Variants in GPC3 observed in about 807,000 individuals in gnomAD.
The protein encoded by GPC3 is glypican-3.
GPC3 carries 3 observed loss-of-function variants against 34.4 expected under a neutral mutation model. That is an observed-to-expected ratio of 0.09 (90% CI 0.04 to 0.23). GPC3 has a LOEUF of 0.23. GPC3 is among the 10% of genes least tolerant of loss of function. GPC3 has a pLI of 1.00. For synonymous variants in GPC3, 177 were observed against 174.0 expected, an observed-to-expected ratio of 1.02 and a Z score of -0.13; for missense variants, 351 against 445.6, an observed-to-expected ratio of 0.79 and a Z score of 1.91.
chrX:133,859,469 T>A, intron 2 of GPC3, among the ~76,000 whole-genome samples: 1 of 111,688 alleles, frequency 9.0e-6, no homozygotes, highest in East Asian at 2.8e-4. Flanking sequence ...AAACAACTGT[T>A]GCCTAGGAAA....
intron 6 of GPC3, among the ~76,000 whole-genome samples, chrX:133,650,518 A>C (rs1048795720): frequency 9.0e-6 from 1 of 110,837 alleles, no homozygotes; most frequent in African/African-American, 3.3e-5. Context: ...TTTTCCATTC[A>C]GTCACTTTGA....
At chrX:133,923,217 C>G (rs1001148427) in intron 2 of GPC3, among the ~76,000 whole-genome samples, 18 of 111,520 alleles carry the variant, frequency 1.6e-4, no homozygotes, top group East Asian at 5.6e-4. Flanking sequence ...TTTTAGGAAA[C>G]AAAATCGGAC....
At chrX:133,563,665 C>G (rs1157745269) in intron 7 of GPC3, among the ~76,000 whole-genome samples, 2 of 111,760 alleles carry the variant, frequency 1.8e-5, no homozygotes, top group Non-Finnish European at 3.8e-5. Flanking sequence ...TGATGAAAAA[C>G]AAGCCAGCAC....
At position 133,944,086 on chromosome X, in the gene GPC3, GTA is replaced by G. The variant is rs3040478; in HGVS notation, c.337+8962_337+8963del. Among the ~76,000 whole-genome samples the G allele has an allele frequency of 4.6e-5, 5 of 108,140 alleles. No homozygotes were observed. In the South Asian group the frequency reaches 1.6e-3, roughly 35 times the overall value. The allele number at this position is 108,140 out of a possible 115,157, so 93.9% of individuals were successfully genotyped here. On this transcript the variant is annotated intron_variant, in intron 2 of 7. Transcript: ENST00000370818. ...ATTCTAATTTTGTGTGAGAGTGTAT[GTA>G]TATATATATATATGTGTGTGTGTTC... is the stretch of plus-strand genomic sequence containing the variant.
intron 2 of GPC3, among the ~76,000 whole-genome samples, chrX:133,950,365 G>A (rs2076386876): frequency 8.9e-6 from 1 of 111,938 alleles, no homozygotes; most frequent in African/African-American, 3.2e-5. Flanking sequence ...AATCCAAATC[G>A]AGGCAGTAAG....
chrX:133,954,085 T>C (rs761701613), intron 1 of GPC3, among the ~76,000 whole-genome samples: 18 of 112,118 alleles, frequency 1.6e-4, no homozygotes, highest in South Asian at 3.7e-4. Flanking sequence ...ACATACTCTA[T>C]GGTTCCGTTT....
chrX:133,961,553 T>C (rs755339440), intron 1 of GPC3, among the ~76,000 whole-genome samples: 11 of 111,508 alleles, frequency 9.9e-5, no homozygotes, highest in Non-Finnish European at 1.9e-4. Context: ...ACGGATTATA[T>C]CCACCTTGCC....
chrX:133,809,581 A>G (rs987350524), intron 2 of GPC3, among the ~76,000 whole-genome samples: 1 of 111,838 alleles, frequency 8.9e-6, no homozygotes, highest in African/African-American at 3.3e-5. Flanking sequence ...TGTTGGCCAC[A>G]GAACATCCTC....
intron 2 of GPC3, among the ~76,000 whole-genome samples, chrX:133,815,024 T>G (rs2075683244): frequency 1.8e-5 from 2 of 111,196 alleles, no homozygotes; most frequent in South Asian, 7.6e-4. Context: ...CCAATGAAGC[T>G]CAATATAAAA....
At chrX:133,798,262 G>A (rs990865301) in intron 2 of GPC3, among the ~76,000 whole-genome samples, 2 of 111,759 alleles carry the variant, frequency 1.8e-5, no homozygotes, top group African/African-American at 3.3e-5. Context: ...TGAGAGACAG[G>A]TCCATGTCAG....
intron 3 of GPC3, among the ~76,000 whole-genome samples, chrX:133,733,098 T>C (rs991380138): frequency 1.8e-5 from 2 of 111,070 alleles, no homozygotes; most frequent in African/African-American, 6.6e-5. Flanking sequence ...AGTATACTAC[T>C]CAGCCATTGA....
intron 6 of GPC3, among the ~76,000 whole-genome samples, chrX:133,637,512 G>A (rs1389172575): frequency 9.0e-6 from 1 of 111,701 alleles, no homozygotes; most frequent in Non-Finnish European, 1.9e-5. Context: ...TTCACTTGTG[G>A]GAAATTAGAC....
intron 6 of GPC3, among the ~76,000 whole-genome samples, chrX:133,636,801 G>A (rs896615944): frequency 6.3e-5 from 7 of 111,727 alleles, no homozygotes; most frequent in African/African-American, 2.3e-4. Context: ...TTGTTTTGTG[G>A]TAGGGGAGGG....
intron 6 of GPC3, among the ~76,000 whole-genome samples, chrX:133,634,730 T>C (rs1211140759): frequency 1.8e-5 from 2 of 112,014 alleles, no homozygotes; most frequent in Admixed American, 9.5e-5. Flanking sequence ...GTTGGGGTGA[T>C]GGAAATGTTC....
chrX:133,725,466 A>G (rs2071399022), intron 3 of GPC3, among the ~76,000 whole-genome samples: 1 of 112,594 alleles, frequency 8.9e-6, no homozygotes, highest in Admixed American at 9.4e-5. Flanking sequence ...AGTAGACACA[A>G]TTATGCTGTT....
At position 133,945,444 on chromosome X, in the gene GPC3, C is replaced by T. The variant is rs747648108; in HGVS notation, c.337+7606G>A. Among the ~76,000 whole-genome samples, 3 of 110,723 alleles carry T rather than the reference C, an allele frequency of 2.7e-5. No individual in the cohort carries two copies. In the East Asian group the frequency reaches 8.6e-4, roughly 32 times the overall value. Reference sequence around the variant, plus strand: ...AGTTTAATTGAGAAAAAGATGTGCACTGATTTACCCAACTCCCTCATGTGT... The same window carrying T: ...AGTTTAATTGAGAAAAAGATGTGCATTGATTTACCCAACTCCCTCATGTGT... On this transcript the variant is annotated intron_variant, in intron 2 of 7. Coordinates refer to ENST00000370818, the MANE Select transcript of GPC3 (RefSeq NM_004484.4).
Position 133,571,598 on chromosome X carries a change from T to A in GPC3, c.1573+24842A>T, listed in dbSNP as rs150445863. On this transcript the variant is annotated intron_variant, in intron 7 of 7. Coordinates refer to ENST00000370818, the MANE Select transcript of GPC3 (RefSeq NM_004484.4). ...GCTTAGAACACTAGTCAGATGGGCT[T>A]TTTGTATTTAACATATCCGGTCCCT... is the stretch of plus-strand genomic sequence containing the variant. 6.5e-3 allele frequency among the ~76,000 whole-genome samples: 723 copies of A among 111,696 alleles called. 5 individuals are homozygous for A. Among genetic ancestry groups the A allele is most frequent in the Middle Eastern group, 0.023 (5 of 216 alleles).
Position 133,680,273 on chromosome X carries a change from C to A in GPC3, c.1292+12096G>T, listed in dbSNP as rs181667738. On this transcript the variant is annotated intron_variant, in intron 5 of 7. Transcript: ENST00000370818. ...AATCCTCTATGCATCCCTCCAACCC[C>A]AACTGCTGTATCCCTACCCCAGGTG... is the stretch of plus-strand genomic sequence containing the variant. Among the ~76,000 whole-genome samples, 27 of 111,991 alleles carry A rather than the reference C, an allele frequency of 2.4e-4. No individual in the cohort carries two copies. In the East Asian group the frequency reaches 7.6e-3, roughly 32 times the overall value.
chrX:133,907,062 C>G (rs1050575239), intron 2 of GPC3, among the ~76,000 whole-genome samples: 6 of 108,576 alleles, frequency 5.5e-5, no homozygotes, highest in Non-Finnish European at 1.1e-4. Context: ...GATCGCACCA[C>G]TGCACTCCAG....
Sources: allele counts gnomAD v4.1 joint callset (sites outside exome capture counted in the v4.1 genomes callset), GRCh38; gene constraint gnomAD v4.1.1; transcripts MANE v1.5; gene names NCBI Gene and HGNC (gene_info 2026-07-23, HGNC 2026-07-21).